Variants in SKAP1 observed in about 807,000 individuals in gnomAD.
The protein encoded by SKAP1 is src kinase-associated phosphoprotein 1.
A neutral mutation model predicts 58.5 loss-of-function variants in SKAP1; 44 were observed. The observed-to-expected ratio is 0.75, with a 90% confidence interval of 0.59 to 0.97. The LOEUF is 0.97. SKAP1 is among the 50% of genes least tolerant of loss of function. The pLI is 0.00. For synonymous variants in SKAP1, 127 were observed against 149.7 expected, an observed-to-expected ratio of 0.85 and a Z score of 1.11; for missense variants, 390 against 435.2, an observed-to-expected ratio of 0.90 and a Z score of 0.92.
chr17:48,206,034 GAGC>G (rs1386953761), intron 4 of SKAP1, among the ~76,000 whole-genome samples: 1 of 152,186 alleles, frequency 6.6e-6, no homozygotes, highest in Non-Finnish European at 1.5e-5. Context: ...GGAGGCCTGA[GAGC>G]AGCCAGCCCA....
At chr17:48,238,513 T>C (rs1187206781) in intron 4 of SKAP1, among the ~76,000 whole-genome samples, 1 of 151,724 alleles carries the variant, frequency 6.6e-6, no homozygotes, top group Non-Finnish European at 1.5e-5. Flanking sequence ...AATCCTTTCA[T>C]CTCAACCTCC....
At chr17:48,162,895 G>A (rs899964813) in intron 10 of SKAP1, among the ~76,000 whole-genome samples, 5 of 152,284 alleles carry the variant, frequency 3.3e-5, no homozygotes, top group Admixed American at 2.6e-4. Context: ...GAGGTTTCCC[G>A]CCAGACTTTC....
At chr17:48,413,514 C>CAAAAAAAAAAAAAA (rs1222640261) in intron 1 of SKAP1, among the ~76,000 whole-genome samples, 2 of 99,964 alleles carry the variant, frequency 2.0e-5, no homozygotes, top group African/African-American at 9.9e-5. Flanking sequence ...AACTCCGTCT[C>CAAAAAAAAAAAAAA]AAAAAAAAAA....
intron 4 of SKAP1, among the ~76,000 whole-genome samples, chr17:48,310,754 A>G (rs954195225): frequency 6.6e-6 from 1 of 151,820 alleles, no homozygotes; most frequent in African/African-American, 2.4e-5. Context: ...TATGTATGTA[A>G]GGCAGGGGAA....
chr17:48,245,773 C>G (rs2065288911), intron 4 of SKAP1, among the ~76,000 whole-genome samples: 2 of 152,078 alleles, frequency 1.3e-5, no homozygotes, highest in Non-Finnish European at 2.9e-5. Context: ...GTCAGGAGTT[C>G]GAGACCAGCC....
intron 2 of SKAP1, among the ~76,000 whole-genome samples, chr17:48,364,629 C>T (rs947979253): frequency 1.3e-5 from 2 of 152,066 alleles, no homozygotes; most frequent in Admixed American, 6.5e-5. Context: ...GAGCTAAGAT[C>T]GCGCCATTGC....
At chr17:48,152,120 A>C (rs1405372951) in intron 11 of SKAP1, among the ~76,000 whole-genome samples, 1 of 152,196 alleles carries the variant, frequency 6.6e-6, no homozygotes, top group Non-Finnish European at 1.5e-5. Flanking sequence ...ATTATTTCTA[A>C]TTTGAGAATC....
intron 2 of SKAP1, among the ~76,000 whole-genome samples, chr17:48,374,877 G>T (rs1042385992): frequency 4.6e-5 from 7 of 152,186 alleles, no homozygotes; most frequent in Non-Finnish European, 1.0e-4. Context: ...CAAGGCCTGG[G>T]ACCCAGGGGT....
At chr17:48,304,512 A>G (rs1407155937) in intron 4 of SKAP1, among the ~76,000 whole-genome samples, 2 of 152,204 alleles carry the variant, frequency 1.3e-5, no homozygotes, top group Non-Finnish European at 2.9e-5. Flanking sequence ...CTCCACTTCT[A>G]AAAATTAGAG....
intron 4 of SKAP1, among the ~76,000 whole-genome samples, chr17:48,210,028 T>G (rs2064852584): frequency 6.6e-6 from 1 of 152,164 alleles, no homozygotes; most frequent in South Asian, 2.1e-4. Context: ...ATCCACAGTG[T>G]GGTAACAAGC....
the SKAP1 span, among the ~76,000 whole-genome samples, chr17:48,444,449 A>G: frequency 6.6e-5 from 10 of 152,384 alleles, no homozygotes; most frequent in East Asian, 1.5e-3. Context: ...CAAAGGGCAC[A>G]TGAACTTTAA....
chr17:48,177,588 A>G (rs2143430889), intron 9 of SKAP1, among the ~76,000 whole-genome samples: 1 of 152,108 alleles, frequency 6.6e-6, no homozygotes, highest in African/African-American at 2.4e-5. Flanking sequence ...TGCTTGGTAG[A>G]TGGTCTTATG....
upstream of SKAP1, among the ~76,000 whole-genome samples, chr17:48,431,084 A>T (rs1227237103): frequency 6.6e-6 from 1 of 152,214 alleles, no homozygotes; most frequent in Non-Finnish European, 1.5e-5. Context: ...TAAGTACAAT[A>T]GGTCAACTGC....
intron 4 of SKAP1, among the ~76,000 whole-genome samples, chr17:48,262,957 T>G (rs2065500580): frequency 6.6e-6 from 1 of 152,232 alleles, no homozygotes. Context: ...ATAATAAAAA[T>G]TGTTATCATT....
intron 11 of SKAP1, among the ~76,000 whole-genome samples, chr17:48,138,756 T>C (rs981788910): frequency 6.6e-6 from 1 of 152,068 alleles, no homozygotes; most frequent in Non-Finnish European, 1.5e-5. Flanking sequence ...CCTCAAGTGA[T>C]CCACCAGCCT....
the SKAP1 span, among the ~76,000 whole-genome samples, chr17:48,442,434 G>A: frequency 2.6e-5 from 4 of 152,104 alleles, no homozygotes; most frequent in Admixed American, 2.6e-4. Context: ...TTGAAAATCA[G>A]GGATATGATT....
At chr17:48,316,383 A>G (rs2066287246) in intron 4 of SKAP1, among the ~76,000 whole-genome samples, 1 of 152,154 alleles carries the variant, frequency 6.6e-6, no homozygotes, top group Non-Finnish European at 1.5e-5. Flanking sequence ...TGTGTCTGGA[A>G]TGCTCGTCCC....
At chr17:48,154,523 C>G (rs2063946637) in intron 11 of SKAP1, among the ~76,000 whole-genome samples, 1 of 152,164 alleles carries the variant, frequency 6.6e-6, no homozygotes, top group Non-Finnish European at 1.5e-5. Flanking sequence ...AAATAAGGCA[C>G]TGGACAATTC....
intron 1 of SKAP1, among the ~76,000 whole-genome samples, chr17:48,417,744 C>CAAAAAA (rs57181313): frequency 7.9e-5 from 9 of 114,500 alleles, no homozygotes; most frequent in Non-Finnish European, 9.5e-5. Context: ...GACTTCGTCT[C>CAAAAAA]AAAAAAAAAA....
Sources: allele counts gnomAD v4.1 joint callset (sites outside exome capture counted in the v4.1 genomes callset), GRCh38; gene constraint gnomAD v4.1.1; transcripts MANE v1.5; gene names NCBI Gene and HGNC (gene_info 2026-07-23, HGNC 2026-07-21).